AK8: variants seen among roughly 807,000 people sequenced by gnomAD.
AK8 encodes ATP-AMP transphosphorylase 8.
In AK8, 44 loss-of-function variants were observed where a neutral mutation model predicts 54.6. The ratio of observed to expected loss-of-function variants is 0.81; its 90% CI spans 0.63 to 1.04. The LOEUF is 1.04. Among genes scored for constraint, AK8 ranks in the 50% least tolerant of loss-of-function variants. The pLI is 0.00. For missense variants in AK8, 555 were observed against 613.6 expected, an observed-to-expected ratio of 0.90 and a Z score of 1.01; for synonymous variants, 239 against 245.6, an observed-to-expected ratio of 0.97 and a Z score of 0.25.
intron 10 of AK8, among the ~76,000 whole-genome samples, chr9:132,804,104 CAAAAAA>C (rs200556575): frequency 1.1e-5 from 1 of 93,266 alleles, no homozygotes; most frequent in Non-Finnish European, 2.3e-5. Context: ...GACTCCATCT[CAAAAAA>C]AAAAAAAAAA....
chr9:132,828,791 A>G, intron 5 of AK8, 65 bp from the exon 6 acceptor site: 1 of 1,303,366 alleles, frequency 7.7e-7, no homozygotes, highest in Non-Finnish European at 1.1e-6. Flanking sequence ...AATTATTTTA[A>G]AAGGAATATA....
chr9:132,785,354 G>A (rs1039335852), intron 11 of AK8, among the ~76,000 whole-genome samples: 8 of 152,162 alleles, frequency 5.3e-5, no homozygotes, highest in African/African-American at 9.6e-5. Context: ...CACCTGCCTC[G>A]GCCTCCCAAA....
chr9:132,742,945 C>A (rs1837464484), intron 11 of AK8, among the ~76,000 whole-genome samples: 1 of 152,208 alleles, frequency 6.6e-6, no homozygotes, highest in Non-Finnish European at 1.5e-5. Flanking sequence ...CACGACTCAA[C>A]CCAGGTGAAT....
chr9:132,867,071 C>A (rs778020817), intron 2 of AK8, 118 bp from the exon 3 acceptor site: 4 of 960,008 alleles, frequency 4.2e-6, no homozygotes, highest in Non-Finnish European at 6.7e-6. Context: ...GCCAGTGACA[C>A]GGCCATTTGT....
chr9:132,855,289 C>G (rs1271733720), intron 4 of AK8, among the ~76,000 whole-genome samples: 5 of 152,198 alleles, frequency 3.3e-5, no homozygotes, highest in Non-Finnish European at 5.9e-5. Flanking sequence ...CTCCATCATC[C>G]TGGATGGAGA....
At chr9:132,771,080 G>T (rs552281463) in intron 11 of AK8, among the ~76,000 whole-genome samples, 137 of 152,330 alleles carry the variant, frequency 9.0e-4, no homozygotes, top group Admixed American at 3.7e-3. Flanking sequence ...GAGCACAGGA[G>T]TCCAGGGACT....
At chr9:132,793,021 C>T (rs977960245) in intron 10 of AK8, among the ~76,000 whole-genome samples, 8 of 152,280 alleles carry the variant, frequency 5.3e-5, no homozygotes, top group East Asian at 1.9e-4. Context: ...TTCCTGGACA[C>T]GACACCATCC....
rs974959405 is a variant in AK8 at position 132,839,411 on chromosome 9, G to A, written c.403-10685C>T. Among the ~76,000 whole-genome samples the A allele has an allele frequency of 3.3e-5, 5 of 152,196 alleles. No homozygotes were observed. In the South Asian group the frequency reaches 6.2e-4, roughly 19 times the overall value. On this transcript the variant is annotated intron_variant, in intron 5 of 12. Coordinates refer to ENST00000298545, the MANE Select transcript of AK8 (RefSeq NM_152572.3). ...TTTTAACACACTGAAGCAGAGACCCGTTCATATTCCATTTAACTGATCATG... is the reference window on the plus strand; with the variant it reads ...TTTTAACACACTGAAGCAGAGACCCATTCATATTCCATTTAACTGATCATG...
rs552430744 is a variant in AK8, at chr9:132,824,077, T to TG, written c.758-742dup. Among the ~76,000 whole-genome samples, 114 of 152,218 alleles carry TG rather than the reference T, an allele frequency of 7.5e-4. 2 individuals are homozygous for TG. In the East Asian group the frequency reaches 0.021, roughly 29 times the overall value. On this transcript the variant is annotated intron_variant, in intron 8 of 12. Coordinates refer to ENST00000298545, the MANE Select transcript of AK8 (RefSeq NM_152572.3). Reference sequence around the variant, plus strand: ...TCCAACAATGAGGCCACCTGCACCATGGGGGGCACCGGATGCCAAGAAGCC... The same window carrying TG: ...TCCAACAATGAGGCCACCTGCACCATGGGGGGGCACCGGATGCCAAGAAGCC...
At chr9:132,851,686 A>C (rs1842977840) in intron 5 of AK8, among the ~76,000 whole-genome samples, 2 of 152,232 alleles carry the variant, frequency 1.3e-5, no homozygotes, top group Non-Finnish European at 2.9e-5. Context: ...ATGGTCGGTC[A>C]CTGCACGGCA....
chr9:132,727,291 A>T (rs559398804), intron 12 of AK8, among the ~76,000 whole-genome samples, 163 bp downstream of exon 12: 62 of 152,190 alleles, frequency 4.1e-4, no homozygotes, highest in Non-Finnish European at 7.8e-4. Context: ...CGGTCAACAG[A>T]TATTGCACAG....
Position 132,863,766 on chromosome 9 carries a change from A to T in AK8, c.232T>A (p.Cys78Ser). The change falls in exon 4 of 13, where the codon TGC becomes AGC. Residue 78 changes from cysteine (C) to serine (S), a missense_variant. Cys to Ser is a moderately radical substitution (Grantham distance 112). Coordinates refer to ENST00000298545, the MANE Select transcript of AK8 (RefSeq NM_152572.3). ...AGGAGACTGCTGTTCAGATGTTTGC[A>T]GAGCCACATTGCCTGAAGAAAGGAA... is the stretch of plus-strand genomic sequence containing the variant. The part of the protein sequence containing the change: ...SGKTTIAMWL[C>S]KHLNSSLLTL... The T allele has an allele frequency of 6.2e-7, 1 of 1,613,296 alleles. No individual in the cohort carries two copies. The highest frequency in any genetic ancestry group is 1.3e-5 in the African/African-American group (1 of 75,036).
chr9:132,768,327 G>T (rs1402172064), intron 11 of AK8, among the ~76,000 whole-genome samples: 1 of 151,416 alleles, frequency 6.6e-6, no homozygotes, highest in Non-Finnish European at 1.5e-5. Context: ...AAGTGCAATG[G>T]CGCCATCTCA....
intron 11 of AK8, among the ~76,000 whole-genome samples, chr9:132,779,336 C>T (rs777690917): frequency 2.6e-5 from 4 of 152,134 alleles, no homozygotes; most frequent in Non-Finnish European, 5.9e-5. Flanking sequence ...TATTCATTTT[C>T]GGAGAGACAA....
chr9:132,861,799 C>G (rs1843399570), intron 4 of AK8, among the ~76,000 whole-genome samples: 1 of 152,204 alleles, frequency 6.6e-6, no homozygotes, highest in Admixed American at 6.5e-5. Flanking sequence ...TGTCTGCAGA[C>G]AAGGCCACGC....
intron 4 of AK8, 41 bp from the exon 5 acceptor site, chr9:132,854,966 C>T (rs753419340): frequency 3.7e-6 from 6 of 1,606,798 alleles, no homozygotes; most frequent in South Asian, 2.2e-5. Flanking sequence ...CCCAAACCTG[C>T]TTCCTGCAGC....
chr9:132,758,257 C>T (rs1032170832), intron 11 of AK8, among the ~76,000 whole-genome samples: 7 of 152,172 alleles, frequency 4.6e-5, no homozygotes, highest in Middle Eastern at 3.2e-3. Context: ...ACACATACGG[C>T]ATGTTTATTA....
chr9:132,744,652 A>T (rs999957710), intron 11 of AK8, among the ~76,000 whole-genome samples: 3 of 152,210 alleles, frequency 2.0e-5, no homozygotes, highest in Non-Finnish European at 2.9e-5. Context: ...TTAAGGGGGA[A>T]AAGTCCATCA....
At chr9:132,855,348 G>A (rs114031962) in intron 4 of AK8, among the ~76,000 whole-genome samples, 52 of 152,308 alleles carry the variant, frequency 3.4e-4, no homozygotes, top group African/African-American at 1.2e-3. Context: ...CTGCCCACGT[G>A]GCTGTGTCCC....
Sources: gnomAD v4.1 joint callset for allele counts (sites outside exome capture counted in the v4.1 genomes callset) on GRCh38, gnomAD v4.1.1 for gene constraint, MANE v1.5 for transcripts, NCBI Gene and HGNC (gene_info 2026-07-23, HGNC 2026-07-21) for gene names.